Variants in SLC9A1 observed in about 807,000 individuals in gnomAD.
SLC9A1 encodes the protein solute carrier family 9 member A1.
SLC9A1 carries 22 observed loss-of-function variants against 67.9 expected under a neutral mutation model. The ratio of observed to expected loss-of-function variants is 0.32; its 90% CI spans 0.23 to 0.46. The LOEUF is 0.46. Among genes scored for constraint, SLC9A1 ranks in the 20% least tolerant of loss-of-function variants. The probability of loss-of-function intolerance (pLI) is 1.00; values close to 1 mark genes in which losing one functional copy is unlikely to be tolerated. For synonymous variants in SLC9A1, 421 were observed against 471.8 expected (o/e 0.89, Z 1.40); for missense variants, 686 against 1,094.8 (o/e 0.63, Z 5.27).
chr1:27,133,382 CT>C (rs1231605159), intron 1 of SLC9A1, among the ~76,000 whole-genome samples: 2 of 152,158 alleles, frequency 1.3e-5, no homozygotes, highest in African/African-American at 4.8e-5. Flanking sequence ...TTTCCTGATT[CT>C]TGACGTCAAC....
chr1:27,144,205 T>C (rs2083468195), intron 1 of SLC9A1, among the ~76,000 whole-genome samples: 1 of 152,242 alleles, frequency 6.6e-6, no homozygotes, highest in Non-Finnish European at 1.5e-5. Context: ...TTAAAGCCAC[T>C]GGTCTCATTA....
rs1448771346 is a variant in SLC9A1, at chr1:27,102,386, G to T, written c.1819C>A (p.Gln607Lys). 6.3e-7 allele frequency: 1 copy of T among 1,586,428 alleles called. No individual in the cohort carries two copies. The highest frequency in any genetic ancestry group is 8.6e-7 in the Non-Finnish European group (1 of 1,161,018). ...IPSAVSTVSM[Q>K]NIHPKSLPSE... ...CTGCCTGGTTGCCCCAGCACTCACTGCATGGAGACGGTGGAGACGGCAGAG... is the reference window on the plus strand; with the variant it reads ...CTGCCTGGTTGCCCCAGCACTCACTTCATGGAGACGGTGGAGACGGCAGAG... The change falls in exon 8 of 12, where the codon CAG becomes AAG. Residue 607 changes from glutamine (Q) to lysine (K), a missense_variant and splice_region_variant. By Grantham distance (53) the Gln-to-Lys change is moderately conservative. Coordinates refer to ENST00000263980, the MANE Select transcript of SLC9A1 (RefSeq NM_003047.5).
At chr1:27,103,154 G>T in intron 6 of SLC9A1, 69 bp downstream of exon 6, 1 of 1,168,770 alleles carries the variant, frequency 8.6e-7, no homozygotes, top group African/African-American at 1.5e-5. Flanking sequence ...GCAGAGACTT[G>T]AGGCCCAGCT....
chr1:27,103,393 G>T, intron 5 of SLC9A1, 81 bp from the exon 6 acceptor site: 1 of 971,482 alleles, frequency 1.0e-6, no homozygotes, highest in Non-Finnish European at 1.7e-6. Context: ...CTCACCCCAG[G>T]CCCCCAAGGC....
At chr1:27,107,591 A>AC (rs2083197181) in intron 4 of SLC9A1, 57 bp downstream of exon 4, 2 of 1,219,826 alleles carry the variant, frequency 1.6e-6, no homozygotes, top group East Asian at 5.1e-5. Flanking sequence ...ACAGCCCACC[A>AC]CCCCCCACAC....
rs140754742 is a variant in SLC9A1, at chr1:27,100,384, T to C, written c.2371A>G (p.Ile791Val). 1.2e-4 allele frequency: 192 copies of C among 1,593,666 alleles called. No individual in the cohort carries two copies. The highest frequency in any genetic ancestry group is 1.5e-4 in the Non-Finnish European group (178 of 1,169,430). Reference protein sequence around the residue: ...APSDSPSSQRIQRCLSDPGPH... With the variant: ...APSDSPSSQRVQRCLSDPGPH... ...CCTGGGTCACTGAGGCAGCGCTGTA[T>C]CCTCTGGGAGCTGGGGCTGTCACTG... The change falls in exon 12 of 12, where the codon ATA (isoleucine) becomes GTA (valine). Residue 791 changes from isoleucine to valine, a missense_variant. Around this residue, in one of 7 missense-constraint regions of SLC9A1, gnomAD observed 226 missense variants for 282.4 expected, o/e 0.80. Transcript: ENST00000263980. This position sits in a 1 kb window ranked among gnomAD's most constrained non-coding sequence, Gnocchi z 5.6.
chr1:27,154,224 G>T lies in SLC9A1; in HGVS notation c.111C>A (p.Leu37=), dbSNP rs368412951. The change falls in exon 1 of 12, where the codon CTC becomes CTA. Residue 37 remains leucine, a synonymous_variant. Transcript: ENST00000263980. ...GLLPVLRSHG[L]QLSPTASTIR... ...TGGTGCTGGCAGTTGGGCTGAGCTG[G>T]AGGCCATGGCTCCTGAGAACAGGCA... is the stretch of plus-strand genomic sequence containing the variant. 37 of 1,614,096 alleles carry T rather than the reference G, an allele frequency of 2.3e-5. No homozygotes were observed. In the African/African-American group the frequency reaches 4.5e-4, roughly 20 times the overall value.
At chr1:27,112,394 T>C (rs567890023) in intron 2 of SLC9A1, among the ~76,000 whole-genome samples, 19 of 152,316 alleles carry the variant, frequency 1.2e-4, no homozygotes, top group African/African-American at 4.3e-4. Context: ...TGAGCTTTCC[T>C]GTGTGTGCAG....
At chr1:27,140,035 C>T (rs1015870745) in intron 1 of SLC9A1, among the ~76,000 whole-genome samples, 6 of 151,948 alleles carry the variant, frequency 3.9e-5, no homozygotes, top group African/African-American at 9.7e-5. Flanking sequence ...TCAAGTGATC[C>T]GCCCATCTCA....
At chr1:27,110,398 T>C (rs1345517234) in intron 2 of SLC9A1, among the ~76,000 whole-genome samples, 3 of 152,168 alleles carry the variant, frequency 2.0e-5, no homozygotes, top group Admixed American at 2.0e-4. Context: ...ACTTGGACTC[T>C]CTGGGATAGG....
chr1:27,121,478 C>T (rs1370758047), intron 1 of SLC9A1, among the ~76,000 whole-genome samples: 1 of 152,176 alleles, frequency 6.6e-6, no homozygotes, highest in Non-Finnish European at 1.5e-5. Context: ...CACAGGAGCA[C>T]CTTGTGCACT....
chr1:27,124,911 G>A (rs2083330870), intron 1 of SLC9A1, among the ~76,000 whole-genome samples: 2 of 152,148 alleles, frequency 1.3e-5, no homozygotes, highest in African/African-American at 4.8e-5. Flanking sequence ...TTAGGCTGGT[G>A]TGTTACGGTG....
chr1:27,118,451 G>A lies in SLC9A1; in HGVS notation c.353-4165C>T, dbSNP rs751094255. 1.3e-5 allele frequency among the ~76,000 whole-genome samples: 2 copies of A among 152,178 alleles called. No individual in the cohort carries two copies. Among genetic ancestry groups the A allele is most frequent in the African/African-American group, 2.4e-5 (1 of 41,438 alleles). On this transcript the variant is annotated intron_variant, in intron 1 of 11. Transcript: ENST00000263980. The surrounding 1 kb of genome is among the most constrained non-coding windows in gnomAD (Gnocchi z 4.3). ...TGCGCTGGCTTGTCCCTCTCCTAACGCCCTGACTCCACCAACTGCGCTCAC... is the reference window on the plus strand; with the variant it reads ...TGCGCTGGCTTGTCCCTCTCCTAACACCCTGACTCCACCAACTGCGCTCAC...
At chr1:27,129,208 A>G (rs1414487556) in intron 1 of SLC9A1, among the ~76,000 whole-genome samples, 1 of 152,130 alleles carries the variant, frequency 6.6e-6, no homozygotes, top group Admixed American at 6.5e-5. Context: ...AGCTTTCCTG[A>G]TACTGGATCC....
intron 1 of SLC9A1, among the ~76,000 whole-genome samples, chr1:27,151,418 T>C (rs1252264693): frequency 6.6e-6 from 1 of 152,180 alleles, no homozygotes; most frequent in African/African-American, 2.4e-5. Context: ...TGGAGTGCAA[T>C]GGCGCAATCT....
At chr1:27,113,089 C>T (rs2083242051) in intron 2 of SLC9A1, among the ~76,000 whole-genome samples, 1 of 152,006 alleles carries the variant, frequency 6.6e-6, no homozygotes, top group Admixed American at 6.6e-5. Flanking sequence ...TGAAAGGCCC[C>T]TCACAGATGA....
chr1:27,113,522 C>G (rs1256840327), intron 2 of SLC9A1, among the ~76,000 whole-genome samples: 4 of 152,176 alleles, frequency 2.6e-5, no homozygotes, highest in African/African-American at 9.7e-5. Flanking sequence ...AGAGCTTAGG[C>G]CCTGGAGTCA....
In SLC9A1 at chr1:27,101,145, T is replaced by C; in HGVS notation, c.2110+58A>G. ...TGAGGACTGTTCCTGTGGAGCCCCATCCTCAGGAGGTGGCAGCTCAGAGTG... is the reference window on the plus strand; with the variant it reads ...TGAGGACTGTTCCTGTGGAGCCCCACCCTCAGGAGGTGGCAGCTCAGAGTG... On this transcript the variant is annotated intron_variant, in intron 11 of 11. Coordinates refer to ENST00000263980, the MANE Select transcript of SLC9A1 (RefSeq NM_003047.5). This position sits in a 1 kb window ranked among gnomAD's most constrained non-coding sequence, Gnocchi z 4.9. 1 of 1,349,126 alleles carries C rather than the reference T, an allele frequency of 7.4e-7. No homozygotes were observed. Among genetic ancestry groups the C allele is most frequent in the Admixed American group, 1.7e-5 (1 of 58,508 alleles). The allele number at this position is 1,349,126 out of a possible 1,614,324, so 83.6% of individuals were successfully genotyped here.
At chr1:27,138,623 C>CG (rs1242396733) in intron 1 of SLC9A1, among the ~76,000 whole-genome samples, 2 of 151,992 alleles carry the variant, frequency 1.3e-5, no homozygotes, top group African/African-American at 4.8e-5. Flanking sequence ...AGGAGAGCAC[C>CG]GGCGCGAGGC....
Sources: allele counts gnomAD v4.1 joint callset (sites outside exome capture counted in the v4.1 genomes callset), GRCh38; gene constraint gnomAD v4.1.1; regional missense constraint gnomAD v4.1.1; non-coding constraint Gnocchi (gnomAD v3.1); transcripts MANE v1.5; gene names NCBI Gene and HGNC (gene_info 2026-07-23, HGNC 2026-07-21).